The following ARB2A variants were observed in gnomAD, a reference collection of about 807,000 sequenced individuals.
ARB2A encodes cotranscriptional regulator ARB2A.
the ARB2A span, among the ~76,000 whole-genome samples, chr5:94,012,347 A>C: frequency 6.6e-6 from 1 of 152,358 alleles, no homozygotes; most frequent in East Asian, 1.9e-4. Flanking sequence ...GCTTGCAGTG[A>C]GCAGAAATCG....
At chr5:93,923,417 T>G in the ARB2A span, among the ~76,000 whole-genome samples, 1 of 152,206 alleles carries the variant, frequency 6.6e-6, no homozygotes, top group Non-Finnish European at 1.5e-5. Context: ...AAGAGTCAAC[T>G]GTATTTTTTT....
At chr5:93,985,925 T>G in the ARB2A span, among the ~76,000 whole-genome samples, 9 of 144,870 alleles carry the variant, frequency 6.2e-5, no homozygotes, top group African/African-American at 2.3e-4. Flanking sequence ...GGCCACCCAG[T>G]CTGGGAAGTG....
At chr5:94,046,002 C>A in the ARB2A span, among the ~76,000 whole-genome samples, 1 of 152,000 alleles carries the variant, frequency 6.6e-6, no homozygotes, top group East Asian at 1.9e-4. Context: ...AAGGAGGAGA[C>A]ATTTGAGCCA....
At chr5:93,885,508 A>C in the ARB2A span, among the ~76,000 whole-genome samples, 1 of 151,640 alleles carries the variant, frequency 6.6e-6, no homozygotes, top group African/African-American at 2.4e-5. Context: ...CAACTAAATA[A>C]ATAAAACTTC....
At chr5:93,895,679 T>C in the ARB2A span, among the ~76,000 whole-genome samples, 1 of 152,062 alleles carries the variant, frequency 6.6e-6, no homozygotes, top group Non-Finnish European at 1.5e-5. Flanking sequence ...ATATCATTCA[T>C]TAAAATATCT....
chr5:93,839,287 T>C, the ARB2A span, among the ~76,000 whole-genome samples: 1 of 152,214 alleles, frequency 6.6e-6, no homozygotes, highest in African/African-American at 2.4e-5. Context: ...TCCGCATCTA[T>C]TAAGGTAAGC....
the ARB2A span, among the ~76,000 whole-genome samples, chr5:93,924,830 G>T: frequency 7.9e-5 from 12 of 152,156 alleles, no homozygotes; most frequent in African/African-American, 2.9e-4. Context: ...CATAATATAG[G>T]CTTCTGAGAA....
At chr5:93,732,782 G>C in the ARB2A span, among the ~76,000 whole-genome samples, 1 of 151,946 alleles carries the variant, frequency 6.6e-6, no homozygotes, top group Non-Finnish European at 1.5e-5. Context: ...AAGACTAGGA[G>C]AATGTGTATC....
chr5:93,960,089 C>T, the ARB2A span, among the ~76,000 whole-genome samples: 2 of 143,386 alleles, frequency 1.4e-5, no homozygotes, highest in African/African-American at 5.4e-5. Context: ...ATGCCCCCCC[C>T]CCCCCCAAAA....
At chr5:93,682,769 C>T in the ARB2A span, 1 of 826,500 alleles carries the variant, frequency 1.2e-6, no homozygotes, top group Non-Finnish European at 2.1e-6. Flanking sequence ...AAAGGACAGC[C>T]AGATATCAAC....
the ARB2A span, among the ~76,000 whole-genome samples, chr5:93,637,364 T>TG: frequency 1.0e-4 from 15 of 149,750 alleles, no homozygotes; most frequent in Non-Finnish European, 2.2e-4. Flanking sequence ...GTTTTTTTTT[T>TG]TTTTTTTTTT....
the ARB2A span, among the ~76,000 whole-genome samples, chr5:93,953,091 C>A: frequency 6.6e-6 from 1 of 152,126 alleles, no homozygotes; most frequent in Admixed American, 6.5e-5. Flanking sequence ...CTTAACATAG[C>A]TATCTTGAAT....
At chr5:93,828,157 C>G in the ARB2A span, among the ~76,000 whole-genome samples, 1 of 152,062 alleles carries the variant, frequency 6.6e-6, no homozygotes, top group Non-Finnish European at 1.5e-5. Flanking sequence ...ATGGGGATGG[C>G]ATTGAATCTA....
the ARB2A span, among the ~76,000 whole-genome samples, chr5:93,951,663 T>C: frequency 6.6e-6 from 1 of 152,158 alleles, no homozygotes; most frequent in Non-Finnish European, 1.5e-5. Flanking sequence ...GGGTTCTCTA[T>C]TCTATTCCAT....
the ARB2A span, among the ~76,000 whole-genome samples, chr5:93,830,311 G>GTGTGTATATATA: frequency 2.4e-5 from 2 of 82,260 alleles, no homozygotes; most frequent in African/African-American, 5.2e-5. Context: ...GTGTGTGTGT[G>GTGTGTATATATA]TATATATATA....
At chr5:93,714,357 C>T in the ARB2A span, among the ~76,000 whole-genome samples, 1 of 152,082 alleles carries the variant, frequency 6.6e-6, no homozygotes, top group Non-Finnish European at 1.5e-5. Flanking sequence ...ACCACATGAC[C>T]AAGTTTGGCC....
At chr5:93,661,140 G>A in the ARB2A span, among the ~76,000 whole-genome samples, 38 of 152,214 alleles carry the variant, frequency 2.5e-4, no homozygotes, top group Middle Eastern at 3.4e-3. Context: ...CACAGGCCTC[G>A]AGAGTTTGTG....
At chr5:93,902,995 T>C in the ARB2A span, among the ~76,000 whole-genome samples, 1 of 152,124 alleles carries the variant, frequency 6.6e-6, no homozygotes, top group Non-Finnish European at 1.5e-5. Context: ...ATTATTACTA[T>C]AGGCCATTTA....
At chr5:94,039,727 C>T in the ARB2A span, among the ~76,000 whole-genome samples, 1 of 152,056 alleles carries the variant, frequency 6.6e-6, no homozygotes, top group Admixed American at 6.6e-5. Flanking sequence ...TGGATCAGGA[C>T]CTCTTTCCTG....
Sources: allele counts gnomAD v4.1 joint callset (sites outside exome capture counted in the v4.1 genomes callset), GRCh38; gene constraint gnomAD v4.1.1; transcripts MANE v1.5; gene names NCBI Gene and HGNC (gene_info 2026-07-23, HGNC 2026-07-21).